FERMT2: variants seen among roughly 807,000 people sequenced by gnomAD.
The protein encoded by FERMT2 is FERM domain containing kindlin 2, also known as fermitin family homolog 2.
FERMT2 carries 15 observed loss-of-function variants against 82.7 expected under a neutral mutation model. That is an observed-to-expected ratio of 0.18 (90% CI 0.12 to 0.28). The LOEUF (loss-of-function observed/expected upper bound fraction) is 0.28. FERMT2 is among the 10% of genes least tolerant of loss of function. The probability of loss-of-function intolerance (pLI) is 1.00; values close to 1 mark genes in which losing one functional copy is unlikely to be tolerated. For missense variants in FERMT2, 645 were observed against 809.4 expected (o/e 0.80, Z 2.46); for synonymous variants, 274 against 271.5 (o/e 1.01, Z -0.09).
intron 13 of FERMT2, chr14:52,860,026 C>A (rs1884821709): frequency 3.6e-6 from 1 of 278,014 alleles, no homozygotes; most frequent in Non-Finnish European, 6.7e-6. Flanking sequence ...ACCGTGTTAG[C>A]CAGGATGGTC....
chr14:52,929,170 G>A lies in FERMT2; in HGVS notation c.158-9814C>T, dbSNP rs773637486. 4.6e-5 allele frequency among the ~76,000 whole-genome samples: 7 copies of A among 151,794 alleles called. 1 individual carries two copies. The South Asian group carries it at 8.3e-4, about 18-fold the overall frequency. ...CTTATTATACTAACTAGCACCAACC[G>A]TCAACCCAGTTGCTCAAGCTAGGAA... On this transcript the variant is annotated intron_variant, in intron 2 of 14. Transcript: ENST00000341590.
intron 3 of FERMT2, among the ~76,000 whole-genome samples, chr14:52,917,946 G>C (rs912516212): frequency 1.3e-5 from 2 of 152,188 alleles, no homozygotes. Flanking sequence ...TTGCCCACAG[G>C]CTCTAGCAGT....
intron 2 of FERMT2, among the ~76,000 whole-genome samples, chr14:52,930,633 C>T (rs1889521937): frequency 1.3e-5 from 2 of 152,120 alleles, no homozygotes; most frequent in South Asian, 4.1e-4. Context: ...CCCAGAATAC[C>T]AAGAATTAAC....
chr14:52,901,642 G>A (rs1333358301), intron 3 of FERMT2, among the ~76,000 whole-genome samples: 4 of 152,156 alleles, frequency 2.6e-5, no homozygotes, highest in Admixed American at 6.5e-5. Context: ...GAGGAAGGGG[G>A]CAACAAGCAA....
intron 2 of FERMT2, among the ~76,000 whole-genome samples, chr14:52,932,619 C>T (rs8012109): frequency 0.15 from 22,501 of 152,016 alleles, 1,848 homozygotes; most frequent in African/African-American, 0.22. Context: ...AAAATAATAA[C>T]AATAATGTAC....
intron 10 of FERMT2, among the ~76,000 whole-genome samples, chr14:52,865,903 C>T (rs945070223): frequency 1.3e-5 from 2 of 152,098 alleles, no homozygotes; most frequent in Admixed American, 6.6e-5. Flanking sequence ...TTTGTAGATT[C>T]CCCCCTGCCC....
chr14:52,940,381 A>G (rs1035700276), intron 2 of FERMT2, among the ~76,000 whole-genome samples: 4 of 152,242 alleles, frequency 2.6e-5, no homozygotes, highest in Non-Finnish European at 4.4e-5. Flanking sequence ...AGAAAATACC[A>G]TAAGACATCA....
chr14:52,868,800 CAT>C (rs1374791338), intron 10 of FERMT2, among the ~76,000 whole-genome samples: 1 of 152,048 alleles, frequency 6.6e-6, no homozygotes, highest in East Asian at 1.9e-4. Flanking sequence ...GCGTGTACAA[CAT>C]AGTCTCAAAA....
At position 52,922,894 on chromosome 14, in the gene FERMT2, G is replaced by A. The variant is rs144224648; in HGVS notation, c.158-3538C>T. 5.7e-4 allele frequency among the ~76,000 whole-genome samples: 87 copies of A among 152,226 alleles called. 1 individual carries two copies. In the East Asian group the frequency reaches 9.3e-3, roughly 16 times the overall value. The stretch of plus-strand genomic sequence containing the variant: ...AAGGGGGATAAGATCTGAGAAATGC[G>A]ATGTTTGGCAAGTTCACTGTTGTGT... On this transcript the variant is annotated intron_variant, in intron 2 of 14. Coordinates refer to ENST00000341590, the MANE Select transcript of FERMT2 (RefSeq NM_006832.3).
chr14:52,860,065 C>T (rs1049359495), intron 13 of FERMT2: 3 of 318,068 alleles, frequency 9.4e-6, no homozygotes, highest in Non-Finnish European at 1.7e-5. Flanking sequence ...GATCCACCCA[C>T]CTCGGCCTCC....
intron 4 of FERMT2, among the ~76,000 whole-genome samples, chr14:52,884,917 G>A (rs939645101): frequency 2.0e-5 from 3 of 151,906 alleles, no homozygotes; most frequent in African/African-American, 7.3e-5. Context: ...CAGGAGAATC[G>A]CTTGAACCGA....
chr14:52,864,364 A>T, intron 12 of FERMT2, 37 bp downstream of exon 12: 5 of 1,497,558 alleles, frequency 3.3e-6, no homozygotes, highest in Non-Finnish European at 4.6e-6. Flanking sequence ...TATAAAAACA[A>T]ACCAGCACAG....
intron 2 of FERMT2, among the ~76,000 whole-genome samples, chr14:52,919,959 T>C (rs1402342649): frequency 3.3e-5 from 5 of 152,184 alleles, no homozygotes; most frequent in Admixed American, 2.6e-4. Context: ...CTCTCCCAAA[T>C]AGATCCCCGA....
intron 4 of FERMT2, among the ~76,000 whole-genome samples, chr14:52,882,759 T>C (rs1360509290): frequency 6.7e-6 from 1 of 149,814 alleles, no homozygotes; most frequent in Non-Finnish European, 1.5e-5. Context: ...ATGCTAGAGA[T>C]TTTTGTAGCT....
intron 2 of FERMT2, among the ~76,000 whole-genome samples, chr14:52,934,972 C>T (rs1889771101): frequency 2.6e-5 from 4 of 152,168 alleles, no homozygotes; most frequent in African/African-American, 7.2e-5. Flanking sequence ...CTGTGATGAG[C>T]TTCTGTTATT....
intron 3 of FERMT2, among the ~76,000 whole-genome samples, chr14:52,899,218 C>T (rs926528189): frequency 3.3e-5 from 5 of 152,138 alleles, no homozygotes; most frequent in East Asian, 1.9e-4. Context: ...CAGATTTTTG[C>T]AGTAGCTCAG....
Position 52,951,018 on chromosome 14 carries a change from G to A in FERMT2, c.-107C>T, listed in dbSNP as rs1444150006. ...GGTGTCCGCGTCCGGTTCCTCGGCTGGCGAAGCGCTGCCTGTGGCCGGAGC... is the reference window on the plus strand; with the variant it reads ...GGTGTCCGCGTCCGGTTCCTCGGCTAGCGAAGCGCTGCCTGTGGCCGGAGC... On this transcript the variant is annotated 5_prime_UTR_variant, in exon 1 of 15. Transcript: ENST00000341590. 2 of 152,752 alleles carry A rather than the reference G, an allele frequency of 1.3e-5. No individual in the cohort carries two copies. The highest frequency in any genetic ancestry group is 2.4e-5 in the African/African-American group (1 of 41,380). 9.5% of individuals were successfully genotyped at this position (152,752 alleles called of 1,614,324 possible).
rs139733721 is a variant in FERMT2, at chr14:52,862,613, C to T, written c.1602+1788G>A. ...AGCCTGGGAGATGGAGGCTGCAGTG[C>T]GCTTGAGCTATGATGGTGCCACTGC... On this transcript the variant is annotated intron_variant, in intron 12 of 14. Coordinates refer to ENST00000341590, the MANE Select transcript of FERMT2 (RefSeq NM_006832.3). The T allele has an allele frequency of 6.2e-3, 948 of 152,506 alleles. 4 individuals are homozygous for T. The highest frequency in any genetic ancestry group is 9.6e-3 in the Non-Finnish European group (657 of 68,280). The allele number at this position is 152,506 out of a possible 1,614,324, so 9.4% of individuals were successfully genotyped here. A position where few individuals can be genotyped will look rare whatever the true frequency, so the allele number is the denominator to read the frequency against.
intron 1 of FERMT2, 168 bp downstream of exon 1, chr14:52,950,752 CG>C: frequency 1.8e-6 from 1 of 559,642 alleles, no homozygotes; most frequent in Non-Finnish European, 3.1e-6. Context: ...ACGCCCCGCT[CG>C]CCCCGCAGCG....
Sources: gnomAD v4.1 joint callset for allele counts (sites outside exome capture counted in the v4.1 genomes callset) on GRCh38, gnomAD v4.1.1 for gene constraint, MANE v1.5 for transcripts, NCBI Gene and HGNC (gene_info 2026-07-23, HGNC 2026-07-21) for gene names.